Variants in CDH13 observed in about 807,000 individuals in gnomAD.
CDH13 encodes the protein cadherin-13.
In CDH13, 24 loss-of-function variants were observed where a neutral mutation model predicts 63.8. That is an observed-to-expected ratio of 0.38 (90% CI 0.27 to 0.53). CDH13 has a LOEUF of 0.53. Ranked by LOEUF, CDH13 falls within the 20% of genes least tolerant of loss-of-function variation. The pLI is 0.85. For synonymous variants in CDH13, 503 were observed against 355.3 expected (o/e 1.42, Z -4.67); for missense variants, 1,049 against 903.1 (o/e 1.16, Z -2.07).
At chr16:82,711,062 C>T (rs58276485) in intron 1 of CDH13, among the ~76,000 whole-genome samples, 6,864 of 151,818 alleles carry the variant, frequency 0.045, 322 homozygotes, top group African/African-American at 0.12. Context: ...CTGGGCCAGT[C>T]ATTTGCCCGG....
intron 4 of CDH13, among the ~76,000 whole-genome samples, chr16:83,188,582 G>A (rs943452985): frequency 1.1e-4 from 17 of 152,276 alleles, no homozygotes; most frequent in Non-Finnish European, 1.6e-4. Context: ...GTTGGCCATG[G>A]TCCTGGCTCC....
intron 1 of CDH13, among the ~76,000 whole-genome samples, chr16:82,679,209 A>C (rs1342135743): frequency 6.6e-6 from 1 of 152,174 alleles, no homozygotes; most frequent in African/African-American, 2.4e-5. Flanking sequence ...GAGTCTGAGA[A>C]GCTCCAAGGA....
intron 1 of CDH13, among the ~76,000 whole-genome samples, chr16:82,652,365 G>A (rs1391492667): frequency 6.6e-6 from 1 of 152,202 alleles, no homozygotes; most frequent in Non-Finnish European, 1.5e-5. Flanking sequence ...ATGACAAGAT[G>A]AGAAGAGCTT....
intron 6 of CDH13, among the ~76,000 whole-genome samples, chr16:83,401,224 G>A (rs2091963469): frequency 6.6e-6 from 1 of 151,950 alleles, no homozygotes; most frequent in African/African-American, 2.4e-5. Flanking sequence ...TGTAATCCCA[G>A]CTACTTTGGG....
intron 7 of CDH13, among the ~76,000 whole-genome samples, chr16:83,530,787 C>A (rs1352495178): frequency 6.6e-6 from 1 of 151,642 alleles, no homozygotes; most frequent in African/African-American, 2.4e-5. Flanking sequence ...CTATGGCAAT[C>A]TCAGATTGCC....
chr16:82,833,218 C>G, intron 1 of CDH13, among the ~76,000 whole-genome samples: 1 of 152,146 alleles, frequency 6.6e-6, no homozygotes, highest in East Asian at 1.9e-4. Flanking sequence ...CAAATGTGTT[C>G]ATACCATGAA....
At chr16:83,033,516 T>G (rs1487865261) in intron 3 of CDH13, among the ~76,000 whole-genome samples, 3 of 152,188 alleles carry the variant, frequency 2.0e-5, no homozygotes, top group African/African-American at 7.2e-5. Context: ...GCATATACTG[T>G]GTATATGTAT....
At chr16:83,286,508 C>A (rs984505648) in intron 5 of CDH13, among the ~76,000 whole-genome samples, 59 of 152,060 alleles carry the variant, frequency 3.9e-4, no homozygotes, top group Non-Finnish European at 4.4e-5. Context: ...GTAATCCCAG[C>A]ACTTTGGGAG....
intron 6 of CDH13, among the ~76,000 whole-genome samples, chr16:83,351,557 A>G (rs879503391): frequency 1.1e-4 from 16 of 152,318 alleles, no homozygotes; most frequent in Admixed American, 9.1e-4. Flanking sequence ...TTGTAAATCA[A>G]TAAACATCAA....
intron 5 of CDH13, among the ~76,000 whole-genome samples, chr16:83,342,998 A>T (rs910013901): frequency 6.6e-6 from 1 of 151,764 alleles, no homozygotes; most frequent in Non-Finnish European, 1.5e-5. Context: ...TAATAGCTTA[A>T]AAAAAACATA....
intron 6 of CDH13, among the ~76,000 whole-genome samples, chr16:83,470,328 A>G (rs990330599): frequency 6.6e-6 from 1 of 152,162 alleles, no homozygotes; most frequent in Non-Finnish European, 1.5e-5. Flanking sequence ...AACTGCTGGG[A>G]TTACAGATGT....
intron 1 of CDH13, among the ~76,000 whole-genome samples, chr16:82,854,446 A>T (rs1597807052): frequency 6.6e-6 from 1 of 151,958 alleles, no homozygotes; most frequent in South Asian, 2.1e-4. Context: ...AGACAATAGC[A>T]GTAACTAGAA....
intron 6 of CDH13, among the ~76,000 whole-genome samples, chr16:83,413,884 A>G (rs2092162800): frequency 6.6e-6 from 1 of 152,068 alleles, no homozygotes; most frequent in Non-Finnish European, 1.5e-5. Flanking sequence ...CTCAGCTACT[A>G]GGGAGGCCAA....
At chr16:83,794,939 C>T (rs3743617) in intron 13 of CDH13, 84 bp from the exon 14 acceptor site, 4 of 1,244,740 alleles carry the variant, frequency 3.2e-6, no homozygotes, top group Non-Finnish European at 4.6e-6. Flanking sequence ...TTATACCTTG[C>T]CTGTCATTTT....
chr16:83,342,340 T>A (rs2090743967), intron 5 of CDH13, among the ~76,000 whole-genome samples: 1 of 152,238 alleles, frequency 6.6e-6, no homozygotes. Flanking sequence ...CTGGGTTATC[T>A]TTTCTGCTAA....
intron 1 of CDH13, among the ~76,000 whole-genome samples, chr16:82,643,336 G>C (rs139173752): frequency 1.3e-5 from 2 of 152,176 alleles, no homozygotes; most frequent in Non-Finnish European, 2.9e-5. Flanking sequence ...CCACCTGCTG[G>C]TGATACTCTA....
At chr16:83,432,760 A>C (rs1006300980) in intron 6 of CDH13, among the ~76,000 whole-genome samples, 2 of 152,178 alleles carry the variant, frequency 1.3e-5, no homozygotes, top group African/African-American at 4.8e-5. Context: ...GGTCTCTGAG[A>C]TGCATCTTGC....
intron 10 of CDH13, among the ~76,000 whole-genome samples, chr16:83,743,768 C>CTTTTTTTTTTTTTT (rs57379661): frequency 1.9e-5 from 2 of 106,076 alleles, no homozygotes; most frequent in Non-Finnish European, 3.4e-5. Flanking sequence ...TTTTTTTTTT[C>CTTTTTTTTTTTTTT]TTTGCTTTTT....
In CDH13 at chr16:83,601,133, C is replaced by T. The variant is rs150875873; in HGVS notation, c.961-1321C>T. 1.5e-3 allele frequency among the ~76,000 whole-genome samples: 223 copies of T among 152,196 alleles called. 2 individuals are homozygous for T. The highest frequency in any genetic ancestry group is 6.8e-3 in the Middle Eastern group (2 of 294). ...TTAGGACTCATTCCAAAAGTTCAAT[C>T]GGTAGGAGATAGAGAAAGGCAATCC... On this transcript the variant is annotated intron_variant, in intron 7 of 13. Transcript: ENST00000567109.
Sources: gnomAD v4.1 joint callset for allele counts (sites outside exome capture counted in the v4.1 genomes callset) on GRCh38, gnomAD v4.1.1 for gene constraint, MANE v1.5 for transcripts, NCBI Gene and HGNC (gene_info 2026-07-23, HGNC 2026-07-21) for gene names.